PXK: variants seen among roughly 807,000 people sequenced by gnomAD.
PXK encodes PX domain-containing protein kinase-like protein.
A neutral mutation model predicts 84.7 loss-of-function variants in PXK; 35 were observed. The ratio of observed to expected loss-of-function variants is 0.41; its 90% CI spans 0.32 to 0.55. The LOEUF is 0.55. Ranked by LOEUF, PXK falls within the 20% of genes least tolerant of loss-of-function variation. The pLI, the probability that PXK is intolerant of heterozygous loss-of-function variation, is 0.21. For missense variants in PXK, 634 were observed against 699.7 expected (o/e 0.91, Z 1.06); for synonymous variants, 253 against 260.8 (o/e 0.97, Z 0.29).
At chr3:58,358,240 A>G (rs1468955473) in intron 1 of PXK, among the ~76,000 whole-genome samples, 1 of 152,232 alleles carries the variant, frequency 6.6e-6, no homozygotes, top group Non-Finnish European at 1.5e-5. Flanking sequence ...AGATCACCAC[A>G]GCATATTCTT....
chr3:58,384,664 A>G (rs2098536288), intron 4 of PXK, among the ~76,000 whole-genome samples: 1 of 152,030 alleles, frequency 6.6e-6, no homozygotes, highest in Non-Finnish European at 1.5e-5. Flanking sequence ...ATCAGCCCTA[A>G]CCCAGGCCCA....
intron 1 of PXK, among the ~76,000 whole-genome samples, chr3:58,360,335 T>A (rs2098161737): frequency 6.6e-6 from 1 of 152,228 alleles, no homozygotes; most frequent in Non-Finnish European, 1.5e-5. Flanking sequence ...ATAAACAGCA[T>A]ATAAATGAAT....
intron 1 of PXK, among the ~76,000 whole-genome samples, chr3:58,361,506 A>T (rs946680997): frequency 6.6e-6 from 1 of 152,080 alleles, no homozygotes. Flanking sequence ...CGCCCATCTC[A>T]CTACCACAGC....
chr3:58,408,201 G>A (rs2107532642), intron 13 of PXK, among the ~76,000 whole-genome samples: 1 of 152,248 alleles, frequency 6.6e-6, no homozygotes, highest in Non-Finnish European at 1.5e-5. Flanking sequence ...ATTTATTTCT[G>A]GGCTCTCTCT....
intron 3 of PXK, among the ~76,000 whole-genome samples, chr3:58,381,555 CAAAAAA>C (rs34125797): frequency 8.3e-6 from 1 of 120,918 alleles, no homozygotes; most frequent in Non-Finnish European, 1.6e-5. Context: ...AATAGAAAAC[CAAAAAA>C]AAAAAAAAAA....
At chr3:58,418,079 A>G (rs9846867) in intron 17 of PXK, among the ~76,000 whole-genome samples, 10,613 of 152,220 alleles carry the variant, frequency 0.07, 463 homozygotes, top group African/African-American at 0.087. Flanking sequence ...TTAGCCTCCC[A>G]TAACAGTGGG....
chr3:58,392,579 G>A (rs962057059), intron 7 of PXK, among the ~76,000 whole-genome samples: 8 of 152,046 alleles, frequency 5.3e-5, no homozygotes, highest in African/African-American at 1.9e-4. Context: ...TATTAATGAG[G>A]TGCAATGTGA....
chr3:58,389,463 A>G (rs1013769427), intron 4 of PXK, among the ~76,000 whole-genome samples: 2 of 152,220 alleles, frequency 1.3e-5, no homozygotes, highest in African/African-American at 4.8e-5. Flanking sequence ...TGAAAAATAT[A>G]CATTTTCACA....
At position 58,333,393 on chromosome 3, in the gene PXK, G is replaced by A. The variant is rs1022265085; in HGVS notation, c.102+303G>A. ...GTTGGGGGGCGGGGGCGGGGGCTGC[G>A]GGATTCCCGGGCTCACCTTGGACTA... On this transcript the variant is annotated intron_variant, in intron 1 of 17. Transcript: ENST00000356151. This position sits in a 1 kb window ranked among gnomAD's most constrained non-coding sequence, Gnocchi z 5.4. 13 of 284,334 alleles carry A rather than the reference G, an allele frequency of 4.6e-5. No individual in the cohort carries two copies. The highest frequency in any genetic ancestry group is 3.6e-4 in the Admixed American group (9 of 25,154). 17.6% of individuals were successfully genotyped at this position (284,334 alleles called of 1,614,324 possible). A position where few individuals can be genotyped will look rare whatever the true frequency, so the allele number is the denominator to read the frequency against.
chr3:58,346,341 A>G (rs4681679), intron 1 of PXK, among the ~76,000 whole-genome samples: 109,442 of 151,876 alleles, frequency 0.72, 40,442 homozygotes, highest in East Asian at 1. Context: ...AGAGTCAAGG[A>G]TGCTAATGGA....
rs1420980764 is a variant in PXK, at chr3:58,412,333, A to G, written c.1466-568A>G. On this transcript the variant is annotated intron_variant, in intron 16 of 17. Transcript: ENST00000356151. This position sits in a 1 kb window ranked among gnomAD's most constrained non-coding sequence, Gnocchi z 6.2. The stretch of plus-strand genomic sequence containing the variant: ...AAAGCATGCAACAGGTGGGATTCAC[A>G]TTGTTTTAATGTGAATAAGGACATT... 1.3e-5 allele frequency among the ~76,000 whole-genome samples: 2 copies of G among 152,154 alleles called. No individual in the cohort carries two copies. Among genetic ancestry groups the G allele is most frequent in the Non-Finnish European group, 2.9e-5 (2 of 68,034 alleles).
In PXK at chr3:58,399,866, T is replaced by A. The variant is rs890513161; in HGVS notation, c.1181+489T>A. On this transcript the variant is annotated intron_variant, in intron 12 of 17. Coordinates refer to ENST00000356151, the MANE Select transcript of PXK (RefSeq NM_017771.5). The surrounding 1 kb of genome is among the most constrained non-coding windows in gnomAD (Gnocchi z 4.3). The stretch of plus-strand genomic sequence containing the variant: ...TTGTGAATTTACTCACTGGGTACTA[T>A]TTATTAAACTCTAGCATGTACCAGG... Among the ~76,000 whole-genome samples the A allele has an allele frequency of 3.3e-5, 5 of 151,996 alleles. No individual in the cohort carries two copies. Among genetic ancestry groups the A allele is most frequent in the African/African-American group, 1.2e-4 (5 of 41,384 alleles).
intron 8 of PXK, 145 bp downstream of exon 8, chr3:58,395,247 C>A (rs966874469): frequency 6.9e-6 from 4 of 578,856 alleles, no homozygotes; most frequent in African/African-American, 1.9e-5. Flanking sequence ...TTTATTCATG[C>A]AATAAAAACT....
At position 58,333,057 on chromosome 3, in the gene PXK, C is replaced by T. The variant is rs2097522929; in HGVS notation, c.69C>T (p.Ala23=). The change falls in exon 1 of 18, where the codon GCC becomes GCT. Residue 23 remains alanine (A), a synonymous_variant. Coordinates refer to ENST00000356151, the MANE Select transcript of PXK (RefSeq NM_017771.5). This position sits in a 1 kb window ranked among gnomAD's most constrained non-coding sequence, Gnocchi z 5.4. ...ACGACACGGTGCCGCTGACAGCAGC[C>T]ATCGAGGCGAGCCAGAGCCTGCAGT... ...LLDDTVPLTA[A]IEASQSLQSH... 10 of 1,335,894 alleles carry T rather than the reference C, an allele frequency of 7.5e-6. No individual in the cohort carries two copies. The highest frequency in any genetic ancestry group is 1.5e-5 in the African/African-American group (1 of 64,750). The allele number at this position is 1,335,894 out of a possible 1,614,324, so 82.8% of individuals were successfully genotyped here.
At chr3:58,341,290 G>A (rs953672543) in intron 1 of PXK, among the ~76,000 whole-genome samples, 4 of 152,168 alleles carry the variant, frequency 2.6e-5, no homozygotes, top group African/African-American at 7.2e-5. Flanking sequence ...AGCCAGGCAT[G>A]GTGGCTCATG....
At chr3:58,388,297 C>A (rs1231729866) in intron 4 of PXK, among the ~76,000 whole-genome samples, 2 of 152,132 alleles carry the variant, frequency 1.3e-5, no homozygotes, top group Non-Finnish European at 2.9e-5. Flanking sequence ...TCCCCTGTTC[C>A]TAAAACAATG....
In PXK at chr3:58,370,441, G is replaced by T. The variant is rs1202549147; in HGVS notation, c.201+963G>T. ...TCTTCAAGTGCCTTGGATTACTGAA[G>T]ACTATTGTGCTCTTGTGTGTCATAC... is the stretch of plus-strand genomic sequence containing the variant. On this transcript the variant is annotated intron_variant, in intron 3 of 17. Transcript: ENST00000356151. This position sits in a 1 kb window ranked among gnomAD's most constrained non-coding sequence, Gnocchi z 4.2. Among the ~76,000 whole-genome samples the T allele has an allele frequency of 6.6e-6, 1 of 152,148 alleles. No homozygotes were observed. Among genetic ancestry groups the T allele is most frequent in the Non-Finnish European group, 1.5e-5 (1 of 68,028 alleles).
Position 58,410,094 on chromosome 3 carries a change from C to A in PXK, c.1400C>A (p.Ser467Ter). ...CCTTTTCTTTTATTCTTAAAGAAGT[C>A]AAAACGATCTGCTCTTGAAAATAGT... is the stretch of plus-strand genomic sequence containing the variant. The part of the protein sequence containing the change: ...KKRKILARKK[S>*]KRSALENSEE... Residue 467 changes from serine (S) to a stop codon, truncating the protein, a stop_gained, in exon 16 of 18, where the codon TCA (serine) becomes TAA (stop). Coordinates refer to ENST00000356151, the MANE Select transcript of PXK (RefSeq NM_017771.5). LOFTEE classifies it high-confidence loss of function. 1 of 1,590,536 alleles carries A rather than the reference C, an allele frequency of 6.3e-7. No homozygotes were observed. Among genetic ancestry groups the A allele is most frequent in the Non-Finnish European group, 8.6e-7 (1 of 1,158,854 alleles).
rs769163701 is a variant in PXK, at chr3:58,333,538, G to A, written c.102+448G>A. ...GGGTCTGGGTGATGGGGATGAGGGTGTGCCGGGCCAAATGAAGTGTGACTC... is the reference window on the plus strand; with the variant it reads ...GGGTCTGGGTGATGGGGATGAGGGTATGCCGGGCCAAATGAAGTGTGACTC... On this transcript the variant is annotated intron_variant, in intron 1 of 17. Coordinates refer to ENST00000356151, the MANE Select transcript of PXK (RefSeq NM_017771.5). This position sits in a 1 kb window ranked among gnomAD's most constrained non-coding sequence, Gnocchi z 5.4. 7.2e-5 allele frequency: 33 copies of A among 456,622 alleles called. No individual in the cohort carries two copies. Among genetic ancestry groups the A allele is most frequent in the Non-Finnish European group, 1.5e-4 (33 of 226,962 alleles). 28.3% of individuals were successfully genotyped at this position (456,622 alleles called of 1,614,324 possible). A position where few individuals can be genotyped will look rare whatever the true frequency, so the allele number is the denominator to read the frequency against.
Sources: allele counts gnomAD v4.1 joint callset (sites outside exome capture counted in the v4.1 genomes callset), GRCh38; gene constraint gnomAD v4.1.1; non-coding constraint Gnocchi (gnomAD v3.1); transcripts MANE v1.5; gene names NCBI Gene and HGNC (gene_info 2026-07-23, HGNC 2026-07-21).